The following BPTF variants were observed in gnomAD, a reference collection of about 807,000 sequenced individuals.
BPTF encodes the protein nucleosome-remodeling factor subunit BPTF.
Under a neutral mutation model 292.5 loss-of-function variants are expected in BPTF, and 18 were observed. The observed-to-expected ratio is 0.06, with a 90% CI of 0.04 to 0.09. The LOEUF (loss-of-function observed/expected upper bound fraction) is 0.09, where lower values mean the gene tolerates loss of function less well. Ranked by LOEUF, BPTF falls within the 10% of genes least tolerant of loss-of-function variation. The pLI is 1.00. For synonymous variants in BPTF, 1,225 were observed against 1,251.9 expected (o/e 0.98, Z 0.45); for missense variants, 2,726 against 3,498.7 (o/e 0.78, Z 5.57).
intron 3 of BPTF, among the ~76,000 whole-genome samples, chr17:67,869,894 C>T (rs1001810090): frequency 6.8e-6 from 1 of 147,596 alleles, no homozygotes; most frequent in South Asian, 2.1e-4. Flanking sequence ...CCCAGCTACT[C>T]GGCAGCCTGA....
chr17:67,941,584 T>C (rs899882831), intron 19 of BPTF, among the ~76,000 whole-genome samples: 10 of 152,208 alleles, frequency 6.6e-5, no homozygotes, highest in Admixed American at 1.3e-4. Flanking sequence ...TGGACACTTG[T>C]TATATGACAA....
intron 24 of BPTF, 46 bp from the exon 25 acceptor site, chr17:67,964,166 T>G (rs1555685472): frequency 6.4e-7 from 1 of 1,562,168 alleles, no homozygotes; most frequent in East Asian, 2.3e-5. Context: ...ATAAGTAACA[T>G]CATCCCATGT....
At chr17:67,873,111 G>A (rs1027165027) in intron 3 of BPTF, among the ~76,000 whole-genome samples, 11 of 151,984 alleles carry the variant, frequency 7.2e-5, no homozygotes, top group African/African-American at 2.4e-4. Context: ...TTATAAAAAA[G>A]GAAACACAAA....
chr17:67,959,768 C>G lies in BPTF; in HGVS notation c.8154C>G (p.Asp2718Glu). ...SQKRKREEEKDSSSKSKKKKM... is the reference protein window; with the variant it reads ...SQKRKREEEKESSSKSKKKKM... ...AGAGGAAGCGGGAAGAGGAAAAAGA[C>G]TCCAGCTCAAAGTCCAAGAAAAAGA... Residue 2718 changes from aspartate (D) to glutamate (E), a missense_variant, in exon 24 of 28, where the codon GAC (aspartate) becomes GAG (glutamate). Physicochemically the swap from Asp to Glu is conservative, Grantham distance 45 (BLOSUM62 2). Coordinates refer to ENST00000306378, the MANE Select transcript of BPTF (RefSeq NM_182641.4). The G allele has an allele frequency of 6.2e-7, 1 of 1,613,716 alleles. No individual in the cohort carries two copies. The highest frequency in any genetic ancestry group is 8.5e-7 in the Non-Finnish European group (1 of 1,179,842).
intron 1 of BPTF, among the ~76,000 whole-genome samples, chr17:67,833,209 A>G (rs1463042282): frequency 1.3e-5 from 2 of 151,528 alleles, no homozygotes; most frequent in African/African-American, 4.9e-5. Context: ...TATCAGTACT[A>G]TATTTGAATA....
At chr17:67,850,290 T>A (rs930639758) in intron 1 of BPTF, among the ~76,000 whole-genome samples, 2 of 152,234 alleles carry the variant, frequency 1.3e-5, no homozygotes, top group Non-Finnish European at 2.9e-5. Flanking sequence ...ATGTATGTAT[T>A]CATCCGTAAG....
At chr17:67,960,335 T>A (rs563300211) in intron 24 of BPTF, 2 of 66,870 alleles carry the variant, frequency 3.0e-5, no homozygotes, top group African/African-American at 6.8e-5. Context: ...TTGTTTTATT[T>A]TAAGCAGTTG....
At chr17:67,955,974 CCTGTTT>C (rs1490164392) in intron 23 of BPTF, 11 of 151,836 alleles carry the variant, frequency 7.2e-5, no homozygotes, top group African/African-American at 2.7e-4. Flanking sequence ...ATGGCAAAAC[CCTGTTT>C]CTACAAAAAA....
intron 24 of BPTF, chr17:67,960,464 C>T (rs1461451052): frequency 1.3e-5 from 2 of 152,150 alleles, no homozygotes; most frequent in Non-Finnish European, 2.9e-5. Flanking sequence ...TCAAGCATAA[C>T]GTCCAACAGT....
At chr17:67,898,170 G>C (rs2146464490) in intron 7 of BPTF, among the ~76,000 whole-genome samples, 1 of 152,300 alleles carries the variant, frequency 6.6e-6, no homozygotes, top group South Asian at 2.1e-4. Context: ...AGGAGTTTAA[G>C]ACCAGCATGG....
chr17:67,972,578 A>C (rs1555691500), intron 26 of BPTF, among the ~76,000 whole-genome samples: 1 of 152,034 alleles, frequency 6.6e-6, no homozygotes, highest in Non-Finnish European at 1.5e-5. Flanking sequence ...AGACAAGTAA[A>C]AGTTTCATAG....
rs2068458943 is a variant in BPTF, at chr17:67,969,015, A to G, written c.8539+2359A>G. Among the ~76,000 whole-genome samples, 6 of 151,118 alleles carry G rather than the reference A, an allele frequency of 4.0e-5. No individual in the cohort carries two copies. In the South Asian group the frequency reaches 1.0e-3, roughly 26 times the overall value. On this transcript the variant is annotated intron_variant, in intron 26 of 27. Transcript: ENST00000306378. ...AAAAAATAAACAAAATAAATAAAGA[A>G]GATAGGCCAGGCACAGTGGCTCATG... is the stretch of plus-strand genomic sequence containing the variant.
chr17:67,949,612 TACAC>T (rs1335881679), intron 23 of BPTF, among the ~76,000 whole-genome samples: 30 of 150,080 alleles, frequency 2.0e-4, no homozygotes, highest in African/African-American at 7.4e-4. Context: ...TACATATATA[TACAC>T]ACACACATAT....
chr17:67,845,962 A>G (rs998175214), intron 1 of BPTF, among the ~76,000 whole-genome samples: 5 of 152,044 alleles, frequency 3.3e-5, no homozygotes, highest in African/African-American at 1.2e-4. Context: ...AGCTATTTTT[A>G]TCTTTCAAAG....
intron 9 of BPTF, 39 bp from the exon 10 acceptor site, chr17:67,909,543 T>C: frequency 7.2e-7 from 1 of 1,392,424 alleles, no homozygotes; most frequent in Non-Finnish European, 9.7e-7. Context: ...GCTAATACTC[T>C]GGAAATAACG....
At chr17:67,953,300 A>C (rs1432620573) in intron 23 of BPTF, among the ~76,000 whole-genome samples, 1 of 143,402 alleles carries the variant, frequency 7.0e-6, no homozygotes, top group East Asian at 2.0e-4. Context: ...TCTGTCACCC[A>C]GGCTGGACTG....
intron 23 of BPTF, among the ~76,000 whole-genome samples, chr17:67,953,261 T>A (rs2066561208): frequency 1.0e-5 from 1 of 100,354 alleles, no homozygotes; most frequent in Non-Finnish European, 2.1e-5. Context: ...GCGCCTGGCC[T>A]TTTTTTTTTT....
At chr17:67,868,989 A>C (rs996322436) in intron 3 of BPTF, among the ~76,000 whole-genome samples, 1 of 152,200 alleles carries the variant, frequency 6.6e-6, no homozygotes, top group Non-Finnish European at 1.5e-5. Flanking sequence ...TTTTTTTATT[A>C]GAAAAGTTTT....
At chr17:67,905,508 G>T (rs573158937) in intron 9 of BPTF, among the ~76,000 whole-genome samples, 6 of 152,012 alleles carry the variant, frequency 3.9e-5, no homozygotes, top group Non-Finnish European at 8.8e-5. Context: ...GGAGTTCAAG[G>T]CCAGCCTGGG....
Sources: allele counts gnomAD v4.1 joint callset (sites outside exome capture counted in the v4.1 genomes callset), GRCh38; gene constraint gnomAD v4.1.1; transcripts MANE v1.5; gene names NCBI Gene and HGNC (gene_info 2026-07-23, HGNC 2026-07-21).